The following SLC10A7 variants were observed in gnomAD, a reference collection of about 807,000 sequenced individuals.
SLC10A7 encodes solute carrier family 10 member 7.
Under a neutral mutation model 43.2 loss-of-function variants are expected in SLC10A7, and 29 were observed. The ratio of observed to expected loss-of-function variants is 0.67; its 90% CI spans 0.50 to 0.92. SLC10A7 has a LOEUF of 0.92. Ranked by LOEUF, SLC10A7 falls within the 40% of genes least tolerant of loss-of-function variation. SLC10A7 has a pLI of 0.00. For synonymous variants in SLC10A7, 152 were observed against 144.8 expected (o/e 1.05, Z -0.35); for missense variants, 295 against 403.2 (o/e 0.73, Z 2.30).
At chr4:146,462,700 A>T (rs992836746) in intron 4 of SLC10A7, among the ~76,000 whole-genome samples, 10 of 152,206 alleles carry the variant, frequency 6.6e-5, no homozygotes, top group Non-Finnish European at 1.5e-5. Flanking sequence ...CTGAAGGTAT[A>T]TTAGCTTAGT....
intron 4 of SLC10A7, among the ~76,000 whole-genome samples, chr4:146,451,013 T>C (rs1255508127): frequency 1.3e-5 from 2 of 149,974 alleles, no homozygotes; most frequent in African/African-American, 4.9e-5. Context: ...TTTTACAATA[T>C]ACTAAAGAAA....
chr4:146,447,389 G>A (rs1251612919), intron 4 of SLC10A7, among the ~76,000 whole-genome samples: 1 of 152,104 alleles, frequency 6.6e-6, no homozygotes, highest in East Asian at 1.9e-4. Context: ...GATTACAGGT[G>A]TGAGTCACCA....
intron 5 of SLC10A7, among the ~76,000 whole-genome samples, chr4:146,398,796 A>G (rs1008997459): frequency 7.9e-5 from 12 of 152,240 alleles, no homozygotes; most frequent in African/African-American, 2.9e-4. Flanking sequence ...GGTATCACAG[A>G]CCAGTGACTG....
chr4:146,363,334 G>A (rs1736179500), intron 5 of SLC10A7, among the ~76,000 whole-genome samples: 1 of 152,018 alleles, frequency 6.6e-6, no homozygotes, highest in African/African-American at 2.4e-5. Context: ...CTATGTATAT[G>A]CACTCAATGC....
Position 146,254,960 on chromosome 4 carries a change from T to C in SLC10A7, c.*1531A>G, listed in dbSNP as rs923831205. 9.2e-5 allele frequency: 14 copies of C among 152,222 alleles called. No individual in the cohort carries two copies. The highest frequency in any genetic ancestry group is 1.7e-4 in the African/African-American group (7 of 41,454). 9.4% of individuals were successfully genotyped at this position (152,222 alleles called of 1,614,324 possible). ...CTCTTATGAAATTTATTCAATGACA[T>C]TGACAAAAGATGAGACCTGGTAGTA... On this transcript the variant is annotated 3_prime_UTR_variant, in exon 12 of 12. Transcript: ENST00000335472.
At chr4:146,495,115 T>G (rs1363601289) in intron 4 of SLC10A7, among the ~76,000 whole-genome samples, 1 of 152,190 alleles carries the variant, frequency 6.6e-6, no homozygotes, top group East Asian at 1.9e-4. Context: ...TAGCTGTTAC[T>G]ACTTCTCAGA....
chr4:146,408,276 G>A (rs763612492), intron 5 of SLC10A7, among the ~76,000 whole-genome samples: 1 of 152,044 alleles, frequency 6.6e-6, no homozygotes, highest in Non-Finnish European at 1.5e-5. Flanking sequence ...AGCCAGGCAC[G>A]GTGGCTCACA....
intron 4 of SLC10A7, among the ~76,000 whole-genome samples, chr4:146,486,919 G>C (rs1308595043): frequency 2.0e-5 from 3 of 152,152 alleles, no homozygotes. Flanking sequence ...CATGTCTATA[G>C]GGCACAGCAA....
chr4:146,339,946 T>G (rs1734142671), intron 5 of SLC10A7, among the ~76,000 whole-genome samples: 1 of 151,754 alleles, frequency 6.6e-6, no homozygotes, highest in South Asian at 2.1e-4. Context: ...CCGCATGCAT[T>G]AGATATTTGT....
At chr4:146,340,238 T>C (rs1734167446) in intron 5 of SLC10A7, among the ~76,000 whole-genome samples, 1 of 151,810 alleles carries the variant, frequency 6.6e-6, no homozygotes, top group South Asian at 2.1e-4. Flanking sequence ...CTGATGGAAC[T>C]CTCAAGGGCA....
At chr4:146,357,538 A>T (rs1735742137) in intron 5 of SLC10A7, among the ~76,000 whole-genome samples, 1 of 152,234 alleles carries the variant, frequency 6.6e-6, no homozygotes, top group South Asian at 2.1e-4. Context: ...GGAACTACTC[A>T]TCGTCTACCT....
chr4:146,396,793 T>C (rs1390025230), intron 5 of SLC10A7, among the ~76,000 whole-genome samples: 2 of 145,710 alleles, frequency 1.4e-5, no homozygotes, highest in Admixed American at 6.7e-5. Flanking sequence ...ACTACTTCCT[T>C]TAAAATCACT....
rs570292676 is a variant in SLC10A7, at chr4:146,355,331, A to C, written c.436-29335T>G. Among the ~76,000 whole-genome samples, 19 of 152,318 alleles carry C rather than the reference A, an allele frequency of 1.2e-4. No individual in the cohort carries two copies. The South Asian group carries it at 3.7e-3, about 30-fold the overall frequency. ...CATCAGAGAAATGCAAATCAAAACC[A>C]CTATGAGATATCATCTCACACCAGT... On this transcript the variant is annotated intron_variant, in intron 5 of 11. Transcript: ENST00000335472.
At chr4:146,350,008 AT>A (rs897126762) in intron 5 of SLC10A7, among the ~76,000 whole-genome samples, 4 of 152,130 alleles carry the variant, frequency 2.6e-5, no homozygotes, top group African/African-American at 7.2e-5. Context: ...TTAAAAAAAA[AT>A]ATATATATAG....
intron 7 of SLC10A7, among the ~76,000 whole-genome samples, chr4:146,299,906 G>T (rs1287356262): frequency 6.6e-6 from 1 of 152,154 alleles, no homozygotes. Context: ...AAATGGAGAG[G>T]TGAAGAAGCT....
intron 5 of SLC10A7, among the ~76,000 whole-genome samples, chr4:146,430,869 T>C (rs969265746): frequency 5.9e-5 from 9 of 152,116 alleles, no homozygotes; most frequent in Non-Finnish European, 1.3e-4. Context: ...TTTCCCCTGA[T>C]CAGTGCAGCT....
intron 2 of SLC10A7, among the ~76,000 whole-genome samples, chr4:146,511,782 G>A (rs1579382092): frequency 1.3e-5 from 2 of 152,054 alleles, no homozygotes; most frequent in East Asian, 3.9e-4. Flanking sequence ...AGAATTCTTA[G>A]AGCTCTACTC....
intron 9 of SLC10A7, 133 bp downstream of exon 9, chr4:146,292,796 T>C (rs1730527299): frequency 1.7e-6 from 1 of 589,560 alleles, no homozygotes; most frequent in Non-Finnish European, 2.9e-6. Context: ...GGAGGCAGAA[T>C]GGTCAGGGAG....
At chr4:146,321,070 C>T (rs987201405) in intron 6 of SLC10A7, among the ~76,000 whole-genome samples, 3 of 152,030 alleles carry the variant, frequency 2.0e-5, no homozygotes, top group African/African-American at 7.2e-5. Flanking sequence ...CAGAAATTTC[C>T]ATTTTATGAT....
Sources: gnomAD v4.1 joint callset for allele counts (sites outside exome capture counted in the v4.1 genomes callset) on GRCh38, gnomAD v4.1.1 for gene constraint, MANE v1.5 for transcripts, NCBI Gene and HGNC (gene_info 2026-07-23, HGNC 2026-07-21) for gene names.